Variants in GULP1 observed in about 807,000 individuals in gnomAD.
GULP1 encodes PTB domain-containing engulfment adapter protein 1.
In GULP1, 19 loss-of-function variants were observed where a neutral mutation model predicts 40.9. The ratio of observed to expected loss-of-function variants is 0.46; its 90% CI spans 0.32 to 0.68. The LOEUF (loss-of-function observed/expected upper bound fraction) is 0.68, where lower values mean the gene tolerates loss of function less well. GULP1 is among the 30% of genes least tolerant of loss of function. The probability of loss-of-function intolerance (pLI) is 0.03; values close to 1 mark genes in which losing one functional copy is unlikely to be tolerated. For synonymous variants in GULP1, 119 were observed against 117.6 expected (o/e 1.01, Z -0.08); for missense variants, 312 against 362.2 (o/e 0.86, Z 1.12).
intron 7 of GULP1, among the ~76,000 whole-genome samples, chr2:188,548,598 G>A (rs1692584927): frequency 6.6e-6 from 1 of 152,016 alleles, no homozygotes; most frequent in Non-Finnish European, 1.5e-5. Flanking sequence ...ATATGGAAAA[G>A]CAGAGGAACT....
chr2:188,514,723 T>C (rs917539478), intron 4 of GULP1, among the ~76,000 whole-genome samples: 11 of 152,328 alleles, frequency 7.2e-5, no homozygotes, highest in African/African-American at 1.9e-4. Context: ...TTTTAAATAA[T>C]GTTGAATATA....
chr2:188,485,021 A>G (rs903219081), intron 4 of GULP1, among the ~76,000 whole-genome samples: 4 of 152,122 alleles, frequency 2.6e-5, no homozygotes, highest in African/African-American at 9.7e-5. Flanking sequence ...AGCTATTGGT[A>G]TACTATATGA....
At chr2:188,383,327 TA>T (rs1355942112) in intron 1 of GULP1, among the ~76,000 whole-genome samples, 2 of 152,232 alleles carry the variant, frequency 1.3e-5, no homozygotes, top group African/African-American at 4.8e-5. Context: ...AGAGTCAAAG[TA>T]GAATGAAAAT....
chr2:188,407,860 T>TA (rs944843198), intron 2 of GULP1, among the ~76,000 whole-genome samples: 3 of 152,046 alleles, frequency 2.0e-5, no homozygotes, highest in South Asian at 2.1e-4. Flanking sequence ...ATGAATGGAT[T>TA]AAAAAAAACA....
intron 1 of GULP1, among the ~76,000 whole-genome samples, chr2:188,338,623 G>A (rs1162083731): frequency 6.6e-6 from 1 of 152,020 alleles, no homozygotes; most frequent in African/African-American, 2.4e-5. Context: ...AATTTTTGAT[G>A]TCTGTTTAGT....
At chr2:188,562,110 A>T (rs1338455512) in intron 7 of GULP1, among the ~76,000 whole-genome samples, 1 of 152,184 alleles carries the variant, frequency 6.6e-6, no homozygotes. Context: ...ACAGTGTGCA[A>T]TCTGCTCAAG....
chr2:188,529,842 A>G (rs966511877), intron 6 of GULP1, among the ~76,000 whole-genome samples: 6 of 152,114 alleles, frequency 3.9e-5, no homozygotes, highest in African/African-American at 1.4e-4. Flanking sequence ...TAACTTAGTT[A>G]CCTTTTTAAA....
At chr2:188,509,253 C>T (rs2064252673) in intron 4 of GULP1, among the ~76,000 whole-genome samples, 2 of 152,018 alleles carry the variant, frequency 1.3e-5, no homozygotes, top group Admixed American at 1.3e-4. Context: ...TCAATATGTT[C>T]CAGCTCAGAG....
chr2:188,489,840 A>G (rs1490490844), intron 4 of GULP1, among the ~76,000 whole-genome samples: 1 of 152,110 alleles, frequency 6.6e-6, no homozygotes, highest in Non-Finnish European at 1.5e-5. Flanking sequence ...ATTTTATTCA[A>G]TTGTGATTTG....
At chr2:188,512,306 T>C (rs573391412) in intron 4 of GULP1, among the ~76,000 whole-genome samples, 4 of 152,276 alleles carry the variant, frequency 2.6e-5, no homozygotes, top group African/African-American at 9.6e-5. Flanking sequence ...GCCACCAATA[T>C]TTATTAATCT....
intron 1 of GULP1, among the ~76,000 whole-genome samples, chr2:188,321,256 AC>A (rs2039939654): frequency 6.6e-6 from 1 of 152,144 alleles, no homozygotes; most frequent in Non-Finnish European, 1.5e-5. Context: ...TCTTCAACAC[AC>A]CAATCTTTAT....
chr2:188,517,733 A>T (rs1469670428), intron 4 of GULP1, among the ~76,000 whole-genome samples: 2 of 152,004 alleles, frequency 1.3e-5, no homozygotes, highest in African/African-American at 2.4e-5. Flanking sequence ...TGTTTTCCTC[A>T]GGGAAAAATT....
chr2:188,396,249 G>A (rs552503534), intron 2 of GULP1, among the ~76,000 whole-genome samples: 7 of 152,324 alleles, frequency 4.6e-5, no homozygotes, highest in African/African-American at 1.7e-4. Flanking sequence ...TGTCTTTCAT[G>A]TTAAGCTACC....
intron 1 of GULP1, among the ~76,000 whole-genome samples, chr2:188,344,923 G>C (rs1392805836): frequency 6.6e-6 from 1 of 152,070 alleles, no homozygotes; most frequent in East Asian, 1.9e-4. Flanking sequence ...AAAATAAATA[G>C]ATATGTCTTG....
chr2:188,433,604 G>A (rs541833814), intron 2 of GULP1, among the ~76,000 whole-genome samples: 1 of 152,224 alleles, frequency 6.6e-6, no homozygotes, highest in Non-Finnish European at 1.5e-5. Context: ...TCTCTCAGTC[G>A]AGGGGCTTTC....
At chr2:188,512,737 T>G (rs1441130481) in intron 4 of GULP1, among the ~76,000 whole-genome samples, 1 of 152,116 alleles carries the variant, frequency 6.6e-6, no homozygotes, top group Non-Finnish European at 1.5e-5. Flanking sequence ...TAATATTTGA[T>G]AACGAGGGTA....
At chr2:188,569,143 G>C in intron 7 of GULP1, 96 bp from the exon 8 acceptor site, 1 of 717,060 alleles carries the variant, frequency 1.4e-6, no homozygotes, top group Non-Finnish European at 2.6e-6. Flanking sequence ...TCTTGTGAAT[G>C]TCTTGGAGTA....
At chr2:188,339,470 T>A (rs73036479) in intron 1 of GULP1, among the ~76,000 whole-genome samples, 10,312 of 152,210 alleles carry the variant, frequency 0.068, 1,183 homozygotes, top group African/African-American at 0.23. Context: ...TTGGCTGTCT[T>A]GGTTTCCCCC....
chr2:188,450,045 A>G (rs1229182220), intron 2 of GULP1, among the ~76,000 whole-genome samples: 1 of 152,176 alleles, frequency 6.6e-6, no homozygotes, highest in Non-Finnish European at 1.5e-5. Flanking sequence ...ACATATCAAT[A>G]CATGCAAATT....
Sources: gnomAD v4.1 joint callset for allele counts (sites outside exome capture counted in the v4.1 genomes callset) on GRCh38, gnomAD v4.1.1 for gene constraint, MANE v1.5 for transcripts, NCBI Gene and HGNC (gene_info 2026-07-23, HGNC 2026-07-21) for gene names.